The following FAM118B variants were observed in gnomAD, a reference collection of about 807,000 sequenced individuals.
The protein encoded by FAM118B is protein FAM118B.
Under a neutral mutation model 38.5 loss-of-function variants are expected in FAM118B, and 24 were observed. That is an observed-to-expected ratio of 0.62 (90% CI 0.45 to 0.88). The LOEUF (loss-of-function observed/expected upper bound fraction) is 0.88, where lower values mean the gene tolerates loss of function less well. FAM118B is among the 40% of genes least tolerant of loss of function. FAM118B has a pLI of 0.00. For missense variants in FAM118B, 334 were observed against 420.0 expected (o/e 0.80, Z 1.79); for synonymous variants, 138 against 156.3 (o/e 0.88, Z 0.87).
chr11:126,215,014 A>G (rs1266450922), intron 1 of FAM118B, among the ~76,000 whole-genome samples: 1 of 152,186 alleles, frequency 6.6e-6, no homozygotes, highest in Non-Finnish European at 1.5e-5. Flanking sequence ...AAGTACTTGG[A>G]CATTGTTTTA....
chr11:126,255,442 A>G lies in FAM118B; in HGVS notation c.696+1009A>G, dbSNP rs1160360987. 6.6e-6 allele frequency among the ~76,000 whole-genome samples: 1 copy of G among 152,132 alleles called. No individual in the cohort carries two copies. Among genetic ancestry groups the G allele is most frequent in the Non-Finnish European group, 1.5e-5 (1 of 68,030 alleles). ...ATAACTGCATCCATCTCTGACATTG[A>G]GTGATCCCTTAGGCAGTCATTTCTG... On this transcript the variant is annotated intron_variant, in intron 6 of 8. Transcript: ENST00000533050. The surrounding 1 kb of genome is among the most constrained non-coding windows in gnomAD (Gnocchi z 4.6).
chr11:126,238,972 CTTTT>C (rs533350695), intron 3 of FAM118B, among the ~76,000 whole-genome samples: 1 of 129,876 alleles, frequency 7.7e-6, no homozygotes. Context: ...AAGTGGAAGT[CTTTT>C]TTTTTTTTTT....
chr11:126,214,995 A>C (rs2135119466), intron 1 of FAM118B, among the ~76,000 whole-genome samples: 1 of 152,328 alleles, frequency 6.6e-6, no homozygotes, highest in Middle Eastern at 3.4e-3. Context: ...CATTTCCTTG[A>C]AGAGCAGGAA....
chr11:126,220,526 C>A (rs181380936), intron 1 of FAM118B, among the ~76,000 whole-genome samples: 1 of 152,174 alleles, frequency 6.6e-6, no homozygotes, highest in East Asian at 1.9e-4. Context: ...TCAGCCTGGT[C>A]AACATAGCAA....
chr11:126,256,422 C>A lies in FAM118B; in HGVS notation c.697-145C>A, dbSNP rs1950579761. On this transcript the variant is annotated intron_variant, in intron 6 of 8. Coordinates refer to ENST00000533050, the MANE Select transcript of FAM118B (RefSeq NM_024556.4). This position sits in a 1 kb window ranked among gnomAD's most constrained non-coding sequence, Gnocchi z 6.6. ...CAAGTTACAGCAATAAGCAAGAGAT[C>A]ACACTCCTTGATGGGACATACCAAC... 1.1e-5 allele frequency: 7 copies of A among 653,528 alleles called. No homozygotes were observed. Among genetic ancestry groups the A allele is most frequent in the South Asian group, 9.8e-5 (5 of 50,812 alleles). 40.5% of individuals were successfully genotyped at this position (653,528 alleles called of 1,614,324 possible). A position where few individuals can be genotyped will look rare whatever the true frequency, so the allele number is the denominator to read the frequency against.
At chr11:126,230,396 A>G (rs1256144270) in intron 2 of FAM118B, among the ~76,000 whole-genome samples, 1 of 152,220 alleles carries the variant, frequency 6.6e-6, no homozygotes, top group Non-Finnish European at 1.5e-5. Context: ...CCACAGTTAG[A>G]AAGGTTTGGT....
chr11:126,256,378 A>G lies in FAM118B; in HGVS notation c.697-189A>G, dbSNP rs765082845. Among the ~76,000 whole-genome samples the G allele has an allele frequency of 3.9e-5, 6 of 152,274 alleles. No homozygotes were observed. Among genetic ancestry groups the G allele is most frequent in the Non-Finnish European group, 7.3e-5 (5 of 68,050 alleles). ...CTACAGAAGAATGGCAGGTAAAGAT[A>G]AAATTTTAGACCAATCATCAAGTTA... is the stretch of plus-strand genomic sequence containing the variant. On this transcript the variant is annotated intron_variant, in intron 6 of 8. Coordinates refer to ENST00000533050, the MANE Select transcript of FAM118B (RefSeq NM_024556.4). The surrounding 1 kb of genome is among the most constrained non-coding windows in gnomAD (Gnocchi z 6.6).
In FAM118B at chr11:126,256,539, G is replaced by T; in HGVS notation, c.697-28G>T. The T allele has an allele frequency of 1.2e-6, 2 of 1,606,964 alleles. No homozygotes were observed. Among genetic ancestry groups the T allele is most frequent in the Non-Finnish European group, 1.7e-6 (2 of 1,175,726 alleles). On this transcript the variant is annotated intron_variant, in intron 6 of 8. Coordinates refer to ENST00000533050, the MANE Select transcript of FAM118B (RefSeq NM_024556.4). The surrounding 1 kb of genome is among the most constrained non-coding windows in gnomAD (Gnocchi z 6.6). ...CTTGCCTTGAGTGTGTCTTCACAAT[G>T]TCAATATGTTGTATCTTTTCCTTCC...
intron 1 of FAM118B, among the ~76,000 whole-genome samples, chr11:126,220,310 T>G (rs771228808): frequency 8.5e-5 from 13 of 152,204 alleles, no homozygotes; most frequent in Non-Finnish European, 8.8e-5. Context: ...CCTCCTTCAC[T>G]TCCTTATGAA....
At chr11:126,229,698 C>T (rs994509537) in intron 2 of FAM118B, among the ~76,000 whole-genome samples, 1 of 152,198 alleles carries the variant, frequency 6.6e-6, no homozygotes, top group East Asian at 1.9e-4. Flanking sequence ...ACCTCGGTCT[C>T]CCATAATGCT....
chr11:126,232,226 A>G (rs1413380225), intron 2 of FAM118B, among the ~76,000 whole-genome samples: 1 of 152,156 alleles, frequency 6.6e-6, no homozygotes, highest in East Asian at 1.9e-4. Flanking sequence ...AAAATCTGAA[A>G]TCTGAAATGT....
At position 126,213,131 on chromosome 11, in the gene FAM118B, A is replaced by ATT. The variant is rs35458545; in HGVS notation, c.-77+1311_-77+1312dup. On this transcript the variant is annotated intron_variant, in intron 1 of 8. Coordinates refer to ENST00000533050, the MANE Select transcript of FAM118B (RefSeq NM_024556.4). ...TGTTGATCTGTGAGTCCCTGGAAGAATTTTTTTTTTTAATCCACTCACCTG... is the reference window on the plus strand; with the variant it reads ...TGTTGATCTGTGAGTCCCTGGAAGAATTTTTTTTTTTTTAATCCACTCACCTG... Among the ~76,000 whole-genome samples the ATT allele has an allele frequency of 4.0e-5, 6 of 149,510 alleles. No homozygotes were observed. In the East Asian group the frequency reaches 5.8e-4, roughly 15 times the overall value.
intron 3 of FAM118B, among the ~76,000 whole-genome samples, chr11:126,239,264 A>C (rs1429556611): frequency 6.6e-6 from 1 of 152,168 alleles, no homozygotes; most frequent in African/African-American, 2.4e-5. Context: ...CACTTAGCCA[A>C]ATTGGAAGTC....
chr11:126,250,684 C>T lies in FAM118B; in HGVS notation c.518C>T (p.Ala173Val), dbSNP rs1950491617. Residue 173 changes from alanine (A) to valine (V), a missense_variant, in exon 5 of 9, where the codon GCA becomes GTA. By Grantham distance (64) the Ala-to-Val change is moderately conservative (BLOSUM62 0). This residue lies in a region of FAM118B where 240 missense variants were observed against 295.9 expected (regional missense o/e 0.81). Coordinates refer to ENST00000533050, the MANE Select transcript of FAM118B (RefSeq NM_024556.4). This position sits in a 1 kb window ranked among gnomAD's most constrained non-coding sequence, Gnocchi z 5.1. ...NFDNLLELYA[A>V]DQGKQLESLD... ...GATAATCTCTTGGAACTGTATGCAG[C>T]AGATCAGGGGAAACAGCTTGAATCC... 1 of 1,614,112 alleles carries T rather than the reference C, an allele frequency of 6.2e-7. No homozygotes were observed. The highest frequency in any genetic ancestry group is 8.5e-7 in the Non-Finnish European group (1 of 1,180,018).
At position 126,250,412 on chromosome 11, in the gene FAM118B, A is replaced by G. The variant is rs934155643; in HGVS notation, c.340-94A>G. 1.5e-5 allele frequency: 13 copies of G among 848,894 alleles called. No homozygotes were observed. The highest frequency in any genetic ancestry group is 1.7e-5 in the African/African-American group (1 of 58,702). The allele number at this position is 848,894 out of a possible 1,614,324, so 52.6% of individuals were successfully genotyped here. On this transcript the variant is annotated intron_variant, in intron 4 of 8. Transcript: ENST00000533050. This position sits in a 1 kb window ranked among gnomAD's most constrained non-coding sequence, Gnocchi z 5.1. ...GGCCTTTATCTCTGTTTTGAATTCA[A>G]AATATTCTTCCAAAATTTGTTACTG...
At chr11:126,234,358 C>T (rs940543300) in intron 2 of FAM118B, among the ~76,000 whole-genome samples, 2 of 152,200 alleles carry the variant, frequency 1.3e-5, no homozygotes, top group Non-Finnish European at 2.9e-5. Flanking sequence ...TATTCCAGCA[C>T]CCGAACATAA....
At chr11:126,260,547 ATTTT>A (rs926120030) in intron 7 of FAM118B, 8 of 151,240 alleles carry the variant, frequency 5.3e-5, no homozygotes, top group Admixed American at 2.0e-4. Flanking sequence ...AACGTCTGAT[ATTTT>A]TTTTGCCAGT....
In FAM118B at chr11:126,221,773, G is replaced by C. The variant is rs550899265; in HGVS notation, c.-76-7452G>C. On this transcript the variant is annotated intron_variant, in intron 1 of 8. Coordinates refer to ENST00000533050, the MANE Select transcript of FAM118B (RefSeq NM_024556.4). ...ACAGGGAAGACCTCCCACTAGAGGG[G>C]AGGGAGGAAAACCAGGAAAAGGCAA... Among the ~76,000 whole-genome samples the C allele has an allele frequency of 3.3e-5, 5 of 152,232 alleles. 1 individual carries two copies. The highest frequency in any genetic ancestry group is 1.3e-4 in the Admixed American group (2 of 15,290).
intron 7 of FAM118B, chr11:126,260,553 T>G (rs1276323002): frequency 6.6e-6 from 1 of 152,212 alleles, no homozygotes; most frequent in African/African-American, 2.4e-5. Flanking sequence ...TGATATTTTT[T>G]TTGCCAGTTT....
Sources: allele counts gnomAD v4.1 joint callset (sites outside exome capture counted in the v4.1 genomes callset), GRCh38; gene constraint gnomAD v4.1.1; regional missense constraint gnomAD v4.1.1; non-coding constraint Gnocchi (gnomAD v3.1); transcripts MANE v1.5; gene names NCBI Gene and HGNC (gene_info 2026-07-23, HGNC 2026-07-21).